The following EXOSC2 variants were observed in gnomAD, a reference collection of about 807,000 sequenced individuals.
EXOSC2 encodes exosome complex component RRP4.
EXOSC2 carries 29 observed loss-of-function variants against 37.6 expected under a neutral mutation model. The observed-to-expected ratio is 0.77, with a 90% CI of 0.57 to 1.05. The LOEUF (loss-of-function observed/expected upper bound fraction) is 1.05. EXOSC2 is among the 50% of genes least tolerant of loss of function. EXOSC2 has a pLI of 0.00. For synonymous variants in EXOSC2, 119 were observed against 131.1 expected, an observed-to-expected ratio of 0.91 and a Z score of 0.63; for missense variants, 346 against 365.6, an observed-to-expected ratio of 0.95 and a Z score of 0.44.
intron 7 of EXOSC2, 127 bp from the exon 8 acceptor site, chr9:130,702,922 CTGTT>C: frequency 5.5e-6 from 6 of 1,084,778 alleles, no homozygotes; most frequent in Middle Eastern, 2.2e-4. Context: ...TTGGAATTAG[CTGTT>C]TGGTTGATTT....
chr9:130,696,086 C>T (rs1403079363), intron 2 of EXOSC2, among the ~76,000 whole-genome samples: 2 of 152,136 alleles, frequency 1.3e-5, no homozygotes, highest in African/African-American at 2.4e-5. Context: ...TGGTCTCGAA[C>T]TGCTGACCTC....
At chr9:130,702,032 A>C in intron 6 of EXOSC2, 102 bp from the exon 7 acceptor site, 1 of 1,475,594 alleles carries the variant, frequency 6.8e-7, no homozygotes, top group Non-Finnish European at 9.0e-7. Flanking sequence ...ATAAACAGGA[A>C]GGACACCAAT....
In EXOSC2 at chr9:130,694,932, A is replaced by T. The variant is rs1463578337; in HGVS notation, c.123-560A>T. Among the ~76,000 whole-genome samples the T allele has an allele frequency of 1.3e-5, 2 of 150,412 alleles. No homozygotes were observed. The highest frequency in any genetic ancestry group is 2.5e-5 in the African/African-American group (1 of 40,762). The stretch of plus-strand genomic sequence containing the variant: ...CACTGTGTTGGCCAGGCTGGTCTCG[A>T]TCCCCTGACCTCAAGTGTGATCTGC... On this transcript the variant is annotated intron_variant, in intron 1 of 8. Coordinates refer to ENST00000372358, the MANE Select transcript of EXOSC2 (RefSeq NM_014285.7). This position sits in a 1 kb window ranked among gnomAD's most constrained non-coding sequence, Gnocchi z 4.0.
chr9:130,698,131 C>A lies in EXOSC2; in HGVS notation c.271-31C>A, dbSNP rs1197262526. Reference sequence around the variant, plus strand: ...TATGATATGACACATGAACATGGAGCATGTGTCCAGGTGTGGAACTTGGCT... The same window carrying A: ...TATGATATGACACATGAACATGGAGAATGTGTCCAGGTGTGGAACTTGGCT... On this transcript the variant is annotated intron_variant, in intron 3 of 8. Transcript: ENST00000372358. The surrounding 1 kb of genome is among the most constrained non-coding windows in gnomAD (Gnocchi z 4.1). 5 of 1,584,080 alleles carry A rather than the reference C, an allele frequency of 3.2e-6. No homozygotes were observed. The South Asian group carries it at 5.5e-5, about 18-fold the overall frequency.
Position 130,699,389 on chromosome 9 carries a change from A to C in EXOSC2, c.421A>C (p.Ile141Leu). 5.0e-6 allele frequency: 8 copies of C among 1,614,196 alleles called. No homozygotes were observed. The highest frequency in any genetic ancestry group is 6.8e-6 in the Non-Finnish European group (8 of 1,180,012). Reference protein sequence around the residue: ...MRGFLQEGDLISAEVQAVFSD... With the variant: ...MRGFLQEGDLLSAEVQAVFSD... Reference sequence around the variant, plus strand: ...AGGTTTCTTACAGGAAGGGGACCTTATCAGTGTATCCTGCGCTTTGCACTC... The same window carrying C: ...AGGTTTCTTACAGGAAGGGGACCTTCTCAGTGTATCCTGCGCTTTGCACTC... Residue 141 changes from isoleucine to leucine, a missense_variant, in exon 5 of 9, where the codon ATC (isoleucine) becomes CTC (leucine). By Grantham distance (5) the Ile-to-Leu change is conservative (BLOSUM62 2). Transcript: ENST00000372358.
Position 130,694,876 on chromosome 9 carries a change from G to GTTTT in EXOSC2, c.123-605_123-602dup, listed in dbSNP as rs1270901837. Among the ~76,000 whole-genome samples the GTTTT allele has an allele frequency of 6.9e-6, 1 of 144,566 alleles. No individual in the cohort carries two copies. Among genetic ancestry groups the GTTTT allele is most frequent in the African/African-American group, 2.5e-5 (1 of 39,260 alleles). 94.8% of individuals were successfully genotyped at this position (144,566 alleles called of 152,430 possible). ...CGCCACCATGCCTAGCTAATTTTTG[G>GTTTT]TTTTTTTTTTTTTTAGTAGAGACAG... On this transcript the variant is annotated intron_variant, in intron 1 of 8. Transcript: ENST00000372358. The surrounding 1 kb of genome is among the most constrained non-coding windows in gnomAD (Gnocchi z 4.0).
At chr9:130,696,267 A>C (rs1368375371) in intron 2 of EXOSC2, among the ~76,000 whole-genome samples, 1 of 152,224 alleles carries the variant, frequency 6.6e-6, no homozygotes, top group Admixed American at 6.5e-5. Flanking sequence ...AAAGCAAGCC[A>C]GTGGGGTTGG....
At position 130,703,682 on chromosome 9, in the gene EXOSC2, T is replaced by C. The variant is rs748140544; in HGVS notation, c.802-12T>C. On this transcript the variant is annotated splice_polypyrimidine_tract_variant and intron_variant, in intron 8 of 8. Transcript: ENST00000372358. The stretch of plus-strand genomic sequence containing the variant: ...GTTTCTTTTCTGAACAAATGCCTTT[T>C]CCCTTTTTCAGATCAAAGACATCTT... 28 of 1,610,712 alleles carry C rather than the reference T, an allele frequency of 1.7e-5. No homozygotes were observed. Among genetic ancestry groups the C allele is most frequent in the Middle Eastern group, 1.7e-4 (1 of 6,056 alleles).
rs1399247636 is a variant in EXOSC2 at position 130,699,320 on chromosome 9, G to A, written c.361-9G>A. On this transcript the variant is annotated splice_polypyrimidine_tract_variant and intron_variant, in intron 4 of 8. Coordinates refer to ENST00000372358, the MANE Select transcript of EXOSC2 (RefSeq NM_014285.7). Reference sequence around the variant, plus strand: ...GGCTTAAGTAATGTCATTTCTTTGTGTATTTCAGAGGAGAAGATCTGCAGA... The same window carrying A: ...GGCTTAAGTAATGTCATTTCTTTGTATATTTCAGAGGAGAAGATCTGCAGA... 6.8e-6 allele frequency: 11 copies of A among 1,614,052 alleles called. No homozygotes were observed. The highest frequency in any genetic ancestry group is 1.3e-5 in the African/African-American group (1 of 75,050).
chr9:130,701,340 A>C, intron 6 of EXOSC2: 1 of 161,216 alleles, frequency 6.2e-6, no homozygotes, highest in Non-Finnish European at 1.4e-5. Flanking sequence ...AGTCCAGTGG[A>C]TGTTATTGCT....
Position 130,702,141 on chromosome 9 carries a change from A to C in EXOSC2, c.503A>C (p.Gln168Pro). The change falls in exon 7 of 9, where the codon CAG becomes CCG. Residue 168 changes from glutamine (Q) to proline (P), a missense_variant. Gln to Pro is a moderately conservative substitution (Grantham distance 76). Transcript: ENST00000372358. Reference protein sequence around the residue: ...TRSLKYGKLGQGVLVQVSPSL... With the variant: ...TRSLKYGKLGPGVLVQVSPSL... ...CGTGATATATTTCTTTAGCTAGGTC[A>C]GGGGGTTTTGGTCCAGGTTTCCCCC... 6.2e-7 allele frequency: 1 copy of C among 1,614,000 alleles called. No homozygotes were observed. The highest frequency in any genetic ancestry group is 2.2e-5 in the East Asian group (1 of 44,892).
chr9:130,703,653 G>A (rs1185153407), intron 8 of EXOSC2, 41 bp from the exon 9 acceptor site: 11 of 1,536,794 alleles, frequency 7.2e-6, no homozygotes, highest in South Asian at 1.2e-5. Context: ...TCTGTTTATG[G>A]TTGGTTTCTT....
Position 130,701,007 on chromosome 9 carries a change from C to T in EXOSC2, c.495+72C>T. 4 of 1,475,440 alleles carry T rather than the reference C, an allele frequency of 2.7e-6. 1 individual carries two copies. The highest frequency in any genetic ancestry group is 3.8e-6 in the Non-Finnish European group (4 of 1,060,474). 91.4% of individuals were successfully genotyped at this position (1,475,440 alleles called of 1,614,324 possible). ...GCTATTTTTGAATCCCCATAGCTCT[C>T]TGGAATTCTGGCCTAAAGAACCCCA... is the stretch of plus-strand genomic sequence containing the variant. On this transcript the variant is annotated intron_variant, in intron 6 of 8. Transcript: ENST00000372358.
chr9:130,700,857 C>A lies in EXOSC2; in HGVS notation c.427-10C>A. 6.2e-7 allele frequency: 1 copy of A among 1,613,816 alleles called. No individual in the cohort carries two copies. The highest frequency in any genetic ancestry group is 8.5e-7 in the Non-Finnish European group (1 of 1,179,900). ...AAGGCTGCTGTTTGTTCCTTCATCA[C>A]CCTGGCCAGGCTGAGGTCCAGGCAG... On this transcript the variant is annotated splice_polypyrimidine_tract_variant and intron_variant, in intron 5 of 8. Transcript: ENST00000372358.
rs535747975 is a variant in EXOSC2 at position 130,698,057 on chromosome 9, G to A, written c.271-105G>A. The A allele has an allele frequency of 2.8e-5, 30 of 1,059,528 alleles. No homozygotes were observed. In the African/African-American group the frequency reaches 3.1e-4, roughly 11 times the overall value. The allele number at this position is 1,059,528 out of a possible 1,614,324, so 65.6% of individuals were successfully genotyped here. On this transcript the variant is annotated intron_variant, in intron 3 of 8. Transcript: ENST00000372358. This position sits in a 1 kb window ranked among gnomAD's most constrained non-coding sequence, Gnocchi z 4.1. ...GATCCACCAGCTTCGGCCTCCCAAA[G>A]TGCTGGGATTACAGGCGTGAGCCAC...
rs189668812 is a variant in EXOSC2 at position 130,694,852 on chromosome 9, G to A, written c.123-640G>A. Among the ~76,000 whole-genome samples, 7 of 151,262 alleles carry A rather than the reference G, an allele frequency of 4.6e-5. No individual in the cohort carries two copies. Among genetic ancestry groups the A allele is most frequent in the South Asian group, 4.2e-4 (2 of 4,792 alleles). On this transcript the variant is annotated intron_variant, in intron 1 of 8. Transcript: ENST00000372358. The surrounding 1 kb of genome is among the most constrained non-coding windows in gnomAD (Gnocchi z 4.0). ...TGAGTAGCTGGGATTACAGGTGCAC[G>A]CCACCATGCCTAGCTAATTTTTGGT...
intron 2 of EXOSC2, 152 bp downstream of exon 2, chr9:130,695,745 A>G (rs1831080023): frequency 3.1e-6 from 2 of 654,998 alleles, no homozygotes; most frequent in African/African-American, 1.8e-5. Context: ...GGGGTGGTGC[A>G]GATCAGTGCA....
At chr9:130,703,488 A>G (rs1831263151) in intron 8 of EXOSC2, among the ~76,000 whole-genome samples, 1 of 152,194 alleles carries the variant, frequency 6.6e-6, no homozygotes, top group East Asian at 1.9e-4. Flanking sequence ...TCAGAATAAT[A>G]TCTTTGTTCT....
intron 1 of EXOSC2, 108 bp from the exon 2 acceptor site, chr9:130,695,384 C>T: frequency 3.2e-6 from 3 of 935,574 alleles, no homozygotes; most frequent in Non-Finnish European, 5.2e-6. Flanking sequence ...AGAAGCCACG[C>T]TTTGCAGGGG....
Sources: allele counts gnomAD v4.1 joint callset (sites outside exome capture counted in the v4.1 genomes callset), GRCh38; gene constraint gnomAD v4.1.1; non-coding constraint Gnocchi (gnomAD v3.1); transcripts MANE v1.5; gene names NCBI Gene and HGNC (gene_info 2026-07-23, HGNC 2026-07-21).